Variants in PTPRN2 observed in about 807,000 individuals in gnomAD.
The protein encoded by PTPRN2 is receptor-type tyrosine-protein phosphatase N2.
A neutral mutation model predicts 118.8 loss-of-function variants in PTPRN2; 74 were observed. The observed-to-expected ratio is 0.62, with a 90% CI of 0.52 to 0.76. The LOEUF is 0.76. PTPRN2 is among the 30% of genes least tolerant of loss of function. The pLI is 0.00. For missense variants in PTPRN2, 1,481 were observed against 1,394.4 expected, an observed-to-expected ratio of 1.06 and a Z score of -0.99; for synonymous variants, 641 against 608.0, an observed-to-expected ratio of 1.05 and a Z score of -0.80.
At chr7:158,130,253 T>A (rs1488081305) in intron 9 of PTPRN2, among the ~76,000 whole-genome samples, 1 of 152,156 alleles carries the variant, frequency 6.6e-6, no homozygotes, top group African/African-American at 2.4e-5. Context: ...GTCATGCAGC[T>A]CCCACCTCCA....
chr7:157,762,308 A>G (rs192190424), intron 12 of PTPRN2, among the ~76,000 whole-genome samples: 1,985 of 152,210 alleles, frequency 0.013, 35 homozygotes, highest in African/African-American at 0.045. Context: ...TGTTTATTGC[A>G]GCATTATTCA....
intron 19 of PTPRN2, among the ~76,000 whole-genome samples, chr7:157,574,720 A>G (rs1799933106): frequency 6.6e-6 from 1 of 152,236 alleles, no homozygotes; most frequent in Admixed American, 6.5e-5. Context: ...CTGCAGCATG[A>G]AGATGGCCGG....
rs150289892 is a variant in PTPRN2, at chr7:158,064,717, G to A, written c.1723+16581C>T. 3.4e-3 allele frequency among the ~76,000 whole-genome samples: 515 copies of A among 152,274 alleles called. 3 individuals are homozygous for A. Among genetic ancestry groups the A allele is most frequent in the African/African-American group, 0.012 (493 of 41,548 alleles). On this transcript the variant is annotated intron_variant, in intron 11 of 22. Coordinates refer to ENST00000389418, the MANE Select transcript of PTPRN2 (RefSeq NM_002847.5). ...TGATTTCCAGAAGCTGACTGGTGGG[G>A]GGGACATTTTCTACTTGCAGGGGAG...
Position 157,674,576 on chromosome 7 carries a change from T to G in PTPRN2, c.2001+8149A>C, listed in dbSNP as rs1796572316. Among the ~76,000 whole-genome samples the G allele has an allele frequency of 6.6e-6, 1 of 152,164 alleles. No individual in the cohort carries two copies. The highest frequency in any genetic ancestry group is 1.5e-5 in the Non-Finnish European group (1 of 68,024). ...TACGTGTTGTGTTAAGAGCTGGGCT[T>G]TGCCATTTTTGACAGGCTAATGCAT... On this transcript the variant is annotated intron_variant, in intron 13 of 22. Transcript: ENST00000389418. The surrounding 1 kb of genome is among the most constrained non-coding windows in gnomAD (Gnocchi z 4.5).
chr7:158,268,774 C>T (rs1251027904), intron 3 of PTPRN2, among the ~76,000 whole-genome samples: 2 of 145,562 alleles, frequency 1.4e-5, no homozygotes, highest in Non-Finnish European at 3.0e-5. Context: ...TGTGAAATAT[C>T]CCAGCCGCAC....
chr7:157,921,516 T>C (rs1318642813), intron 11 of PTPRN2, among the ~76,000 whole-genome samples: 1 of 152,228 alleles, frequency 6.6e-6, no homozygotes, highest in East Asian at 1.9e-4. Flanking sequence ...TGTGGCAGTG[T>C]TGGAGGTGGG....
rs185209693 is a variant in PTPRN2, at chr7:157,645,839, G to A, written c.2196+10518C>T. Among the ~76,000 whole-genome samples the A allele has an allele frequency of 4.5e-3, 678 of 152,300 alleles. 7 individuals carry two copies. Among genetic ancestry groups the A allele is most frequent in the African/African-American group, 0.016 (646 of 41,552 alleles). On this transcript the variant is annotated intron_variant, in intron 14 of 22. Transcript: ENST00000389418. Reference sequence around the variant, plus strand: ...TGCCGAGTGGCTGTAATGTCTTCATGAAGCACGTCCCAGACCAAACCAGCC... The same window carrying A: ...TGCCGAGTGGCTGTAATGTCTTCATAAAGCACGTCCCAGACCAAACCAGCC...
rs558992578 is a variant in PTPRN2 at position 157,713,331 on chromosome 7, G to T, written c.1789-30394C>A. 1.9e-3 allele frequency among the ~76,000 whole-genome samples: 294 copies of T among 152,220 alleles called. 4 individuals carry two copies. The highest frequency in any genetic ancestry group is 6.8e-3 in the African/African-American group (282 of 41,538). Reference sequence around the variant, plus strand: ...TAACAGAATTGAGGAATAGCCCCACGGCACGTTTCTAGAGAACCCCTTTGC... The same window carrying T: ...TAACAGAATTGAGGAATAGCCCCACTGCACGTTTCTAGAGAACCCCTTTGC... On this transcript the variant is annotated intron_variant, in intron 12 of 22. Transcript: ENST00000389418.
At chr7:158,100,278 T>C (rs4272319) in intron 10 of PTPRN2, among the ~76,000 whole-genome samples, 48,976 of 149,482 alleles carry the variant, frequency 0.33, 8,099 homozygotes, top group Admixed American at 0.43. Flanking sequence ...TGTGTGTGTG[T>C]GCCACGATTT....
intron 1 of PTPRN2, among the ~76,000 whole-genome samples, chr7:158,557,333 T>A (rs1827104928): frequency 1.4e-5 from 2 of 145,296 alleles, no homozygotes; most frequent in Non-Finnish European, 3.0e-5. Context: ...GGCAGGCGGC[T>A]CCCGCGCAGG....
chr7:158,308,551 A>G (rs964244612), intron 3 of PTPRN2, among the ~76,000 whole-genome samples: 1 of 152,184 alleles, frequency 6.6e-6, no homozygotes, highest in Non-Finnish European at 1.5e-5. Context: ...TAAACATACA[A>G]TCTATAAAGA....
At chr7:158,319,176 G>C (rs1375769896) in intron 2 of PTPRN2, among the ~76,000 whole-genome samples, 1 of 152,066 alleles carries the variant, frequency 6.6e-6, no homozygotes, top group Non-Finnish European at 1.5e-5. Flanking sequence ...TTTAAAATCA[G>C]TTTTAGCTAA....
chr7:157,918,562 G>A (rs937327775), intron 11 of PTPRN2, among the ~76,000 whole-genome samples: 5 of 152,226 alleles, frequency 3.3e-5, no homozygotes, highest in African/African-American at 1.2e-4. Context: ...GCAACATATC[G>A]AAAACAACGC....
At chr7:158,248,017 G>A (rs904828968) in intron 3 of PTPRN2, among the ~76,000 whole-genome samples, 82 of 152,270 alleles carry the variant, frequency 5.4e-4, no homozygotes, top group Middle Eastern at 3.4e-3. Flanking sequence ...AGATCCCAAA[G>A]GCTTGTCTCA....
chr7:157,875,407 C>T (rs1795698419), intron 12 of PTPRN2, among the ~76,000 whole-genome samples: 2 of 152,184 alleles, frequency 1.3e-5, no homozygotes, highest in South Asian at 4.1e-4. Context: ...TTTCTGATAA[C>T]CTTGCTCCGG....
intron 6 of PTPRN2, among the ~76,000 whole-genome samples, chr7:158,161,266 C>A (rs1822333540): frequency 6.6e-6 from 1 of 152,164 alleles, no homozygotes; most frequent in Non-Finnish European, 1.5e-5. Context: ...ACAGCCAACA[C>A]AATACTGAAG....
At chr7:158,326,394 G>A (rs948478112) in intron 2 of PTPRN2, among the ~76,000 whole-genome samples, 2 of 152,236 alleles carry the variant, frequency 1.3e-5, no homozygotes, top group African/African-American at 4.8e-5. Context: ...GCCAGTGTGA[G>A]GGGCCAGGAG....
rs1585105537 is a variant in PTPRN2 at position 157,611,265 on chromosome 7, T to C, written c.2345-7190A>G. Reference sequence around the variant, plus strand: ...TCGCCCCCCAATGGGATCGGAAGCATGTTGGGCAGGTGACCTGGGGCAGGT... The same window carrying C: ...TCGCCCCCCAATGGGATCGGAAGCACGTTGGGCAGGTGACCTGGGGCAGGT... On this transcript the variant is annotated intron_variant, in intron 15 of 22. Transcript: ENST00000389418. This position sits in a 1 kb window ranked among gnomAD's most constrained non-coding sequence, Gnocchi z 5.9. Among the ~76,000 whole-genome samples, 1 of 151,974 alleles carries C rather than the reference T, an allele frequency of 6.6e-6. No homozygotes were observed. The highest frequency in any genetic ancestry group is 2.4e-5 in the African/African-American group (1 of 41,394).
chr7:158,304,869 G>T (rs1801168147), intron 3 of PTPRN2, among the ~76,000 whole-genome samples: 1 of 152,212 alleles, frequency 6.6e-6, no homozygotes, highest in African/African-American at 2.4e-5. Context: ...CTTGGATCAG[G>T]GAAAAGACCT....
Sources: gnomAD v4.1 joint callset for allele counts (sites outside exome capture counted in the v4.1 genomes callset) on GRCh38, gnomAD v4.1.1 for gene constraint, Gnocchi (gnomAD v3.1) non-coding constraint, MANE v1.5 for transcripts, NCBI Gene and HGNC (gene_info 2026-07-23, HGNC 2026-07-21) for gene names.